The following MYH9 variants were observed in gnomAD, a reference collection of about 807,000 sequenced individuals.
MYH9 encodes myosin-9.
MYH9 carries 29 observed loss-of-function variants against 241.9 expected under a neutral mutation model. The observed-to-expected ratio is 0.12, with a 90% CI of 0.09 to 0.16. The LOEUF is 0.16. Among genes scored for constraint, MYH9 ranks in the 10% least tolerant of loss-of-function variants. The pLI, the probability that MYH9 is intolerant of heterozygous loss-of-function variation, is 1.00. For synonymous variants in MYH9, 1,047 were observed against 1,062.6 expected, an observed-to-expected ratio of 0.99 and a Z score of 0.29; for missense variants, 1,803 against 2,595.5, an observed-to-expected ratio of 0.69 and a Z score of 6.63.
At chr22:36,354,968 C>CACACACACACACACAT (rs2017831896) in intron 1 of MYH9, among the ~76,000 whole-genome samples, 1 of 148,174 alleles carries the variant, frequency 6.7e-6, no homozygotes, top group African/African-American at 2.5e-5. Context: ...CACACACACA[C>CACACACACACACACAT]ACACACACAC....
At chr22:36,316,283 C>T (rs1241405939) in intron 12 of MYH9, among the ~76,000 whole-genome samples, 3 of 151,614 alleles carry the variant, frequency 2.0e-5, no homozygotes, top group African/African-American at 7.3e-5. Context: ...ATCTGCCGGC[C>T]TTGGCCTCCC....
rs1454199798 is a variant in MYH9, at chr22:36,301,129, C to T, written c.2632-72G>A. The T allele has an allele frequency of 2.8e-6, 4 of 1,450,752 alleles. No homozygotes were observed. In the African/African-American group the frequency reaches 5.6e-5, roughly 20 times the overall value. 89.9% of individuals were successfully genotyped at this position (1,450,752 alleles called of 1,614,324 possible). ...GCCACTCCATCCTCAAGGACGGACG[C>T]CATGGCTCGGGATCCCAGAGGGAAA... is the stretch of plus-strand genomic sequence containing the variant. On this transcript the variant is annotated intron_variant, in intron 21 of 40. Transcript: ENST00000216181.
At chr22:36,372,899 T>G (rs931866166) in intron 1 of MYH9, among the ~76,000 whole-genome samples, 2 of 152,070 alleles carry the variant, frequency 1.3e-5, no homozygotes, top group Non-Finnish European at 2.9e-5. Context: ...ACAGGGGCCT[T>G]GGAGGCCGAA....
At chr22:36,319,405 T>A (rs1288766076) in intron 10 of MYH9, 135 bp downstream of exon 10, 6 of 846,236 alleles carry the variant, frequency 7.1e-6, no homozygotes, top group Non-Finnish European at 1.2e-5. Context: ...GTGTTTTACA[T>A]CTGTATAGAA....
chr22:36,347,004 A>C (rs1194398469), intron 2 of MYH9, among the ~76,000 whole-genome samples: 1 of 152,146 alleles, frequency 6.6e-6, no homozygotes, highest in East Asian at 1.9e-4. Context: ...CAACATAAAG[A>C]AATAAAGAGC....
At chr22:36,308,715 AG>A in intron 15 of MYH9, 1 of 649,686 alleles carries the variant, frequency 1.5e-6, no homozygotes, top group Non-Finnish European at 1.9e-6. Flanking sequence ...AGCCAAGGCA[AG>A]GGGGGGCGCG....
chr22:36,309,433 C>T (rs372549070), intron 14 of MYH9, 37 bp from the exon 15 acceptor site: 1 of 1,511,312 alleles, frequency 6.6e-7, no homozygotes, highest in African/African-American at 1.4e-5. Context: ...ACAAGCTGCG[C>T]TGGGGACATG....
chr22:36,309,243 A>G, intron 15 of MYH9, 39 bp downstream of exon 15: 1 of 1,553,106 alleles, frequency 6.4e-7, no homozygotes, highest in Non-Finnish European at 8.9e-7. Context: ...GACCAGCCGC[A>G]GCCAAGAGGA....
chr22:36,299,030 G>C lies in MYH9; in HGVS notation c.2989C>G (p.Leu997Val). ...NCKLAKEKKL[L>V]EDRIAEFTTN... ...GTGAACTCAGCTATTCTGTCTTCCA[G>C]CAGTTTCTTTTCCTGGGGAGAGGGG... The change falls in exon 24 of 41, where the codon CTG (leucine) becomes GTG (valine). Residue 997 changes from leucine to valine, a missense_variant. Physicochemically the swap from Leu to Val is conservative, Grantham distance 32. Transcript: ENST00000216181. 1 of 1,614,092 alleles carries C rather than the reference G, an allele frequency of 6.2e-7. No homozygotes were observed. Among genetic ancestry groups the C allele is most frequent in the Non-Finnish European group, 8.5e-7 (1 of 1,179,994 alleles).
rs1261023056 is a variant in MYH9 at position 36,295,667 on chromosome 22, T to G, written c.3323A>C (p.Glu1108Ala). Reference protein sequence around the residue: ...QKNMALKKIRELESQISELQE... With the variant: ...QKNMALKKIRALESQISELQE... ...GAGTTCAGAGATCTGAGATTCCAGC[T>G]CCCGGATCTTCTTGAGGGCCATGTT... Residue 1108 changes from glutamate (E) to alanine (A), a missense_variant, in exon 26 of 41, where the codon GAG (glutamate) becomes GCG (alanine). Glu to Ala is a moderately radical substitution (Grantham distance 107). Transcript: ENST00000216181. The surrounding 1 kb of genome is among the most constrained non-coding windows in gnomAD (Gnocchi z 4.1). The G allele has an allele frequency of 1.2e-6, 2 of 1,613,882 alleles. No individual in the cohort carries two copies. The highest frequency in any genetic ancestry group is 2.2e-5 in the East Asian group (1 of 44,876).
chr22:36,301,101 C>T, intron 21 of MYH9, 44 bp from the exon 22 acceptor site: 1 of 1,549,956 alleles, frequency 6.5e-7, no homozygotes, highest in Non-Finnish European at 8.7e-7. Context: ...GCAACACCCT[C>T]AAGCCACTCC....
At chr22:36,366,811 G>A (rs1024786780) in intron 1 of MYH9, among the ~76,000 whole-genome samples, 1 of 152,148 alleles carries the variant, frequency 6.6e-6, no homozygotes, top group Non-Finnish European at 1.5e-5. Flanking sequence ...AGGCCACTGT[G>A]CTGGAGCTAC....
At chr22:36,314,874 CCT>C (rs1264264637) in intron 12 of MYH9, among the ~76,000 whole-genome samples, 2 of 152,098 alleles carry the variant, frequency 1.3e-5, no homozygotes, top group Non-Finnish European at 2.9e-5. Context: ...GTCTTGAACC[CCT>C]GAGCTCAAGC....
chr22:36,302,592 C>A lies in MYH9; in HGVS notation c.2475G>T (p.Trp825Cys). ...CCTTGGTGAAGAGCCGCCACCACTG[C>A]CAGTTCCGCAGCTTCAGGTAGGCAG... Reference protein sequence around the residue: ...NCAAYLKLRNWQWWRLFTKVK... With the variant: ...NCAAYLKLRNCQWWRLFTKVK... Residue 825 changes from tryptophan to cysteine, a missense_variant, in exon 20 of 41, where the codon TGG becomes TGT. By Grantham distance (215) the Trp-to-Cys change is radical (BLOSUM62 -2). Coordinates refer to ENST00000216181, the MANE Select transcript of MYH9 (RefSeq NM_002473.6). 2 of 1,613,464 alleles carry A rather than the reference C, an allele frequency of 1.2e-6. No homozygotes were observed. The highest frequency in any genetic ancestry group is 1.7e-6 in the Non-Finnish European group (2 of 1,179,956).
rs2018274140 is a variant in MYH9 at position 36,382,464 on chromosome 22, G to A, written c.-20+5343C>T. 2.0e-5 allele frequency among the ~76,000 whole-genome samples: 3 copies of A among 151,784 alleles called. No individual in the cohort carries two copies. In the South Asian group the frequency reaches 6.3e-4, roughly 32 times the overall value. ...CACTCCAGCCTGGGCAACAGAGCGA[G>A]ACTCAGTCTCAAAAAACAAAAAAAA... On this transcript the variant is annotated intron_variant, in intron 1 of 40. Coordinates refer to ENST00000216181, the MANE Select transcript of MYH9 (RefSeq NM_002473.6).
At chr22:36,366,627 G>A (rs1163202428) in intron 1 of MYH9, among the ~76,000 whole-genome samples, 1 of 152,202 alleles carries the variant, frequency 6.6e-6, no homozygotes. Flanking sequence ...AGGGGCAAGA[G>A]CACAAGAACG....
intron 5 of MYH9, among the ~76,000 whole-genome samples, chr22:36,322,839 T>C (rs2017276716): frequency 6.6e-6 from 1 of 152,198 alleles, no homozygotes; most frequent in African/African-American, 2.4e-5. Flanking sequence ...GCACTTAAAC[T>C]AGGGAGCCGG....
chr22:36,313,871 G>A (rs944803132), intron 13 of MYH9, among the ~76,000 whole-genome samples: 1 of 152,178 alleles, frequency 6.6e-6, no homozygotes, highest in African/African-American at 2.4e-5. Context: ...ACTGAAAACA[G>A]GATGCTAGGG....
intron 27 of MYH9, among the ~76,000 whole-genome samples, chr22:36,294,702 C>T (rs1382284288): frequency 2.6e-5 from 4 of 152,216 alleles, no homozygotes; most frequent in African/African-American, 4.8e-5. Flanking sequence ...TTCAAAGTAA[C>T]GATGTAATGT....
Sources: allele counts gnomAD v4.1 joint callset (sites outside exome capture counted in the v4.1 genomes callset), GRCh38; gene constraint gnomAD v4.1.1; non-coding constraint Gnocchi (gnomAD v3.1); transcripts MANE v1.5; gene names NCBI Gene and HGNC (gene_info 2026-07-23, HGNC 2026-07-21).